Variants in FANK1 observed in about 807,000 individuals in gnomAD.
FANK1 encodes the protein fibronectin type III and ankyrin repeat domains 1, also known as fibronectin type 3 and ankyrin repeat domains protein 1.
A neutral mutation model predicts 45.3 loss-of-function variants in FANK1; 44 were observed. The observed-to-expected ratio is 0.97, with a 90% confidence interval of 0.76 to 1.25. The LOEUF (loss-of-function observed/expected upper bound fraction) is 1.25, where lower values mean the gene tolerates loss of function less well. Ranked by LOEUF, FANK1 falls within the 50% of genes most tolerant of loss-of-function variation. The pLI, the probability that FANK1 is intolerant of heterozygous loss-of-function variation, is 0.00. For missense variants in FANK1, 391 were observed against 424.4 expected, an observed-to-expected ratio of 0.92 and a Z score of 0.69; for synonymous variants, 149 against 152.5, an observed-to-expected ratio of 0.98 and a Z score of 0.17.
At chr10:125,913,384 C>T (rs909773775) in intron 1 of FANK1, among the ~76,000 whole-genome samples, 8 of 152,154 alleles carry the variant, frequency 5.3e-5, no homozygotes, top group African/African-American at 9.7e-5. Flanking sequence ...CTTTAGCAGT[C>T]GGCCAAAAGG....
At chr10:125,939,820 A>C (rs775512720) in intron 1 of FANK1, among the ~76,000 whole-genome samples, 1 of 152,082 alleles carries the variant, frequency 6.6e-6, no homozygotes, top group African/African-American at 2.4e-5. Flanking sequence ...AAAATTATAT[A>C]TATTTCATTC....
rs536936820 is a variant in FANK1 at position 125,951,594 on chromosome 10, T to A, written c.14-28567T>A. Reference sequence around the variant, plus strand: ...GGAGTATTCTGATTCTCAGTCTTACTTCTCTTCTGTTATTACCAACATTTT... The same window carrying A: ...GGAGTATTCTGATTCTCAGTCTTACATCTCTTCTGTTATTACCAACATTTT... On this transcript the variant is annotated intron_variant, in intron 1 of 10. Coordinates refer to ENST00000368693, the MANE Select transcript of FANK1 (RefSeq NM_145235.5). 7.2e-5 allele frequency among the ~76,000 whole-genome samples: 11 copies of A among 152,322 alleles called. No individual in the cohort carries two copies. The South Asian group carries it at 2.3e-3, about 32-fold the overall frequency.
chr10:125,943,711 A>G (rs73368648), intron 1 of FANK1, among the ~76,000 whole-genome samples: 3,520 of 152,328 alleles, frequency 0.023, 151 homozygotes, highest in African/African-American at 0.079. Flanking sequence ...TTGTGCTACA[A>G]GATCTCAATG....
chr10:125,900,628 T>G (rs894299801), intron 1 of FANK1, among the ~76,000 whole-genome samples: 18 of 150,460 alleles, frequency 1.2e-4, no homozygotes, highest in East Asian at 5.8e-4. Flanking sequence ...TTTCTTTCTG[T>G]TTTTTTTTGT....
chr10:125,960,258 AC>A, intron 1 of FANK1: 2 of 298,512 alleles, frequency 6.7e-6, no homozygotes, highest in South Asian at 6.9e-5. Context: ...TGGAACACTG[AC>A]CAGCAGGGCA....
intron 1 of FANK1, among the ~76,000 whole-genome samples, chr10:125,957,465 G>A (rs1330188173): frequency 6.6e-6 from 1 of 151,786 alleles, no homozygotes; most frequent in Non-Finnish European, 1.5e-5. Flanking sequence ...CATTTTGTAT[G>A]GTTCAGGTGT....
intron 1 of FANK1, among the ~76,000 whole-genome samples, chr10:125,903,753 C>T (rs1231680775): frequency 6.6e-6 from 1 of 151,826 alleles, no homozygotes; most frequent in Admixed American, 6.6e-5. Context: ...AGTAATTCAC[C>T]CTAAATTGAA....
At chr10:125,953,666 C>T (rs1949395395) in intron 1 of FANK1, among the ~76,000 whole-genome samples, 1 of 152,172 alleles carries the variant, frequency 6.6e-6, no homozygotes, top group Non-Finnish European at 1.5e-5. Flanking sequence ...CAGAATGCCT[C>T]TTGGTTGCTA....
rs570472043 is a variant in FANK1, at chr10:125,940,010, A to G, written c.14-40151A>G. Among the ~76,000 whole-genome samples the G allele has an allele frequency of 1.9e-3, 285 of 151,736 alleles. 2 individuals are homozygous for G. Among genetic ancestry groups the G allele is most frequent in the African/African-American group, 6.4e-3 (266 of 41,320 alleles). ...AAGTGTCATGATCTCGGCTCACTGC[A>G]ACCTCCACCTCTTAATCTTAATCCA... On this transcript the variant is annotated intron_variant, in intron 1 of 10. Coordinates refer to ENST00000368693, the MANE Select transcript of FANK1 (RefSeq NM_145235.5).
At chr10:125,999,309 C>T (rs559079951) in intron 6 of FANK1, among the ~76,000 whole-genome samples, 1 of 151,374 alleles carries the variant, frequency 6.6e-6, no homozygotes, top group Non-Finnish European at 1.5e-5. Flanking sequence ...ACGCCATTCT[C>T]CTGCCTCAGC....
rs554605131 is a variant in FANK1 at position 125,975,338 on chromosome 10, T to G, written c.14-4823T>G. Among the ~76,000 whole-genome samples the G allele has an allele frequency of 1.6e-4, 25 of 152,354 alleles. 1 individual carries two copies. The South Asian group carries it at 5.0e-3, about 30-fold the overall frequency. On this transcript the variant is annotated intron_variant, in intron 1 of 10. Transcript: ENST00000368693. ...GCATGTGTGTTTATGGTAGAATGGT[T>G]TATATTCCTCTGGGTATATACCCAG...
chr10:125,950,513 A>G (rs1949136785), intron 1 of FANK1, among the ~76,000 whole-genome samples: 1 of 152,104 alleles, frequency 6.6e-6, no homozygotes, highest in East Asian at 1.9e-4. Flanking sequence ...AACACATGAA[A>G]AAATGCTCAT....
rs540794160 is a variant in FANK1 at position 125,910,766 on chromosome 10, G to A, written c.13+14111G>A. 1.2e-4 allele frequency among the ~76,000 whole-genome samples: 19 copies of A among 152,336 alleles called. No individual in the cohort carries two copies. The South Asian group carries it at 3.9e-3, about 32-fold the overall frequency. ...AAGATGTCCACAGGCTGGGTGCGGT[G>A]GCTCACTCCTGTAATCCCAGCACTT... On this transcript the variant is annotated intron_variant, in intron 1 of 10. Coordinates refer to ENST00000368693, the MANE Select transcript of FANK1 (RefSeq NM_145235.5).
chr10:125,939,859 C>G (rs58670255), intron 1 of FANK1, among the ~76,000 whole-genome samples: 3,493 of 151,800 alleles, frequency 0.023, 147 homozygotes, highest in African/African-American at 0.079. Flanking sequence ...TTTAAGGTAG[C>G]AGAACCTAGA....
chr10:125,908,773 T>TA (rs1189806986), intron 1 of FANK1, among the ~76,000 whole-genome samples: 4 of 151,810 alleles, frequency 2.6e-5, no homozygotes, highest in East Asian at 3.9e-4. Flanking sequence ...TTAAAAAAAG[T>TA]AAAAAAACCA....
At chr10:125,994,481 G>A (rs545896609) in intron 3 of FANK1, 2 of 985,332 alleles carry the variant, frequency 2.0e-6, no homozygotes, top group South Asian at 9.4e-5. Context: ...TACAGTTGGA[G>A]TATGTAAGAA....
intron 1 of FANK1, among the ~76,000 whole-genome samples, chr10:125,933,540 T>G (rs139950264): frequency 0.02 from 2,993 of 152,276 alleles, 124 homozygotes; most frequent in African/African-American, 0.068. Context: ...TGGTTAATCT[T>G]GCTAATGGTC....
In FANK1 at chr10:126,009,376, G is replaced by A. The variant is rs766618380; in HGVS notation, c.976G>A (p.Val326Ile). 1.5e-5 allele frequency: 25 copies of A among 1,613,934 alleles called. No homozygotes were observed. The highest frequency in any genetic ancestry group is 1.7e-5 in the Non-Finnish European group (20 of 1,180,020). ...EMARVFDRQS[V>I]VSLLEERKKK... is the part of the protein sequence containing the mutation. ...CCTGTCTGTTTTGTTTATCTAGAGT[G>A]TAGTCTCCTTATTAGAAGAAAGGAA... The change falls in exon 11 of 11, where the codon GTA (valine) becomes ATA (isoleucine). Residue 326 changes from valine to isoleucine, a missense_variant. Val to Ile is a conservative substitution (Grantham distance 29). Coordinates refer to ENST00000368693, the MANE Select transcript of FANK1 (RefSeq NM_145235.5).
At chr10:126,005,393 C>T (rs536910883) in intron 7 of FANK1, among the ~76,000 whole-genome samples, 21 of 151,594 alleles carry the variant, frequency 1.4e-4, no homozygotes, top group African/African-American at 4.1e-4. Flanking sequence ...TTGAGGCCTC[C>T]GCCTCCCAGG....
Sources: allele counts gnomAD v4.1 joint callset (sites outside exome capture counted in the v4.1 genomes callset), GRCh38; gene constraint gnomAD v4.1.1; transcripts MANE v1.5; gene names NCBI Gene and HGNC (gene_info 2026-07-23, HGNC 2026-07-21).